CSMD1: variants seen among roughly 807,000 people sequenced by gnomAD.
CSMD1 encodes CUB and Sushi multiple domains 1.
Under a neutral mutation model 417.5 loss-of-function variants are expected in CSMD1, and 213 were observed. The observed-to-expected ratio is 0.51, with a 90% CI of 0.46 to 0.57. CSMD1 has a LOEUF of 0.57. Among genes scored for constraint, CSMD1 ranks in the 20% least tolerant of loss-of-function variants. The pLI, the probability that CSMD1 is intolerant of heterozygous loss-of-function variation, is 0.00. For synonymous variants in CSMD1, 2,862 were observed against 1,736.8 expected (o/e 1.65, Z -16.11); for missense variants, 6,923 against 4,529.7 (o/e 1.53, Z -15.17).
chr8:3,836,467 G>A (rs1398332559), intron 5 of CSMD1, among the ~76,000 whole-genome samples: 1 of 152,138 alleles, frequency 6.6e-6, no homozygotes, highest in Non-Finnish European at 1.5e-5. Context: ...AAACTGTAGA[G>A]GAGATGTAGC....
chr8:3,233,445 T>C (rs764746094), intron 26 of CSMD1, among the ~76,000 whole-genome samples: 1 of 152,228 alleles, frequency 6.6e-6, no homozygotes, highest in Non-Finnish European at 1.5e-5. Context: ...TTGTGAGAAG[T>C]ATATTTATTT....
intron 5 of CSMD1, among the ~76,000 whole-genome samples, chr8:3,943,947 G>C (rs1054074555): frequency 3.9e-5 from 6 of 152,134 alleles, no homozygotes; most frequent in African/African-American, 1.4e-4. Flanking sequence ...TGGAATGTTA[G>C]GTAAAATTTG....
intron 68 of CSMD1, among the ~76,000 whole-genome samples, chr8:2,947,910 A>AT (rs770010842): frequency 4.6e-5 from 7 of 150,550 alleles, no homozygotes; most frequent in Non-Finnish European, 7.4e-5. Flanking sequence ...GAAGTAAAGT[A>AT]TTTTATGATT....
chr8:4,467,377 C>T (rs1301592488), intron 2 of CSMD1, among the ~76,000 whole-genome samples: 1 of 152,070 alleles, frequency 6.6e-6, no homozygotes, highest in Non-Finnish European at 1.5e-5. Context: ...TTCAAATGTC[C>T]TCATTCCCTG....
rs933720005 is a variant in CSMD1, at chr8:3,969,661, G to T, written c.818+28242C>A. Among the ~76,000 whole-genome samples, 14 of 152,188 alleles carry T rather than the reference G, an allele frequency of 9.2e-5. No individual in the cohort carries two copies. The South Asian group carries it at 2.1e-3, about 23-fold the overall frequency. ...GCTACCACATTTAAAAAGTGTAAAG[G>T]TTCCTTGCTTTGATGTCAGTAGTGG... On this transcript the variant is annotated intron_variant, in intron 5 of 69. Coordinates refer to ENST00000635120, the MANE Select transcript of CSMD1 (RefSeq NM_033225.6).
At chr8:3,873,539 C>G (rs901168311) in intron 5 of CSMD1, among the ~76,000 whole-genome samples, 1 of 151,994 alleles carries the variant, frequency 6.6e-6, no homozygotes, top group Non-Finnish European at 1.5e-5. Flanking sequence ...AAAACAGACA[C>G]TGAGACCTAC....
chr8:4,167,185 T>G (rs2131120462), intron 3 of CSMD1, among the ~76,000 whole-genome samples: 1 of 152,350 alleles, frequency 6.6e-6, no homozygotes, highest in Non-Finnish European at 1.5e-5. Context: ...CCAGATAATT[T>G]TTTCCAGAGG....
chr8:3,521,309 C>T (rs1214802113), intron 10 of CSMD1, among the ~76,000 whole-genome samples: 1 of 152,172 alleles, frequency 6.6e-6, no homozygotes, highest in Non-Finnish European at 1.5e-5. Context: ...CTTACTCTCT[C>T]TCAAATTCAC....
intron 5 of CSMD1, among the ~76,000 whole-genome samples, chr8:3,758,991 G>A (rs992435573): frequency 6.6e-6 from 1 of 152,200 alleles, no homozygotes; most frequent in Non-Finnish European, 1.5e-5. Flanking sequence ...CAAGAAAGCT[G>A]CTGATACCTT....
At chr8:3,881,779 C>A (rs1056095162) in intron 5 of CSMD1, among the ~76,000 whole-genome samples, 1 of 151,896 alleles carries the variant, frequency 6.6e-6, no homozygotes, top group Non-Finnish European at 1.5e-5. Flanking sequence ...TCTGAATGGT[C>A]GATGCAAGGA....
chr8:3,610,528 G>A (rs955029478), intron 8 of CSMD1, among the ~76,000 whole-genome samples: 1 of 151,622 alleles, frequency 6.6e-6, no homozygotes, highest in African/African-American at 2.4e-5. Flanking sequence ...AAATAAATAG[G>A]TCATATAAGT....
intron 23 of CSMD1, among the ~76,000 whole-genome samples, chr8:3,328,378 T>A (rs767494881): frequency 6.6e-6 from 1 of 152,214 alleles, no homozygotes; most frequent in Non-Finnish European, 1.5e-5. Context: ...CTAAGTGACT[T>A]TTACAGTTTA....
intron 7 of CSMD1, among the ~76,000 whole-genome samples, chr8:3,677,945 G>A (rs937922065): frequency 2.0e-5 from 3 of 152,096 alleles, no homozygotes; most frequent in African/African-American, 7.2e-5. Context: ...AGACAGGAAT[G>A]CACTTGAGGA....
intron 3 of CSMD1, among the ~76,000 whole-genome samples, chr8:4,410,606 G>C (rs920424325): frequency 6.6e-6 from 1 of 152,012 alleles, no homozygotes; most frequent in Non-Finnish European, 1.5e-5. Context: ...TCATTTATCT[G>C]AAATTATGTA....
At chr8:4,115,581 C>G (rs1427264532) in intron 3 of CSMD1, among the ~76,000 whole-genome samples, 1 of 152,158 alleles carries the variant, frequency 6.6e-6, no homozygotes, top group Non-Finnish European at 1.5e-5. Flanking sequence ...AGGAACTTAA[C>G]TGATCATACA....
intron 3 of CSMD1, among the ~76,000 whole-genome samples, chr8:4,217,422 T>A (rs886106898): frequency 2.0e-5 from 3 of 152,160 alleles, no homozygotes; most frequent in Non-Finnish European, 2.9e-5. Flanking sequence ...ACACATTTTA[T>A]AATGGTGATA....
chr8:4,732,741 G>C (rs918968118), intron 1 of CSMD1, among the ~76,000 whole-genome samples: 2 of 152,114 alleles, frequency 1.3e-5, no homozygotes, highest in African/African-American at 2.4e-5. Context: ...CCCTTGGCTT[G>C]ATAAAGACTA....
chr8:4,014,685 T>C (rs1796438285), intron 4 of CSMD1, among the ~76,000 whole-genome samples: 1 of 152,176 alleles, frequency 6.6e-6, no homozygotes, highest in Admixed American at 6.5e-5. Context: ...TGCCAACTTG[T>C]GATGAGGCTG....
At chr8:4,664,688 T>C (rs1029840043) in intron 1 of CSMD1, among the ~76,000 whole-genome samples, 7 of 152,202 alleles carry the variant, frequency 4.6e-5, no homozygotes, top group Non-Finnish European at 7.3e-5. Flanking sequence ...TTGGGAGCCA[T>C]ACACAGCAAA....
Sources: gnomAD v4.1 joint callset for allele counts (sites outside exome capture counted in the v4.1 genomes callset) on GRCh38, gnomAD v4.1.1 for gene constraint, MANE v1.5 for transcripts, NCBI Gene and HGNC (gene_info 2026-07-23, HGNC 2026-07-21) for gene names.